The following FGF14 variants were observed in gnomAD, a reference collection of about 807,000 sequenced individuals.
FGF14 encodes the protein fibroblast growth factor homologous factor 4.
A neutral mutation model predicts 25.5 loss-of-function variants in FGF14; 5 were observed. The ratio of observed to expected loss-of-function variants is 0.20; its 90% CI spans 0.10 to 0.41. FGF14 has a LOEUF of 0.41. Among genes scored for constraint, FGF14 ranks in the 10% least tolerant of loss-of-function variants. The pLI is 1.00. For missense variants in FGF14, 222 were observed against 320.1 expected (o/e 0.69, Z 2.34); for synonymous variants, 138 against 118.3 (o/e 1.17, Z -1.08).
At position 101,953,558 on chromosome 13, in the gene FGF14, A is replaced by ATGTGTGTGTG. The variant is rs369170619; in HGVS notation, c.209-78272_209-78263dup. ...TACCTTTCTGTATGTGTATATATATATGTGTGTGTGTGTATATATATATAT... is the reference window on the plus strand; with the variant it reads ...TACCTTTCTGTATGTGTATATATATATGTGTGTGTGTGTGTGTGTGTGTATATATATATAT... On this transcript the variant is annotated intron_variant, in intron 1 of 4. Transcript: ENST00000376131. 8.2e-3 allele frequency among the ~76,000 whole-genome samples: 1,222 copies of ATGTGTGTGTG among 148,346 alleles called. 13 individuals are homozygous for ATGTGTGTGTG. The highest frequency in any genetic ancestry group is 0.025 in the Middle Eastern group (7 of 278).
At chr13:101,806,566 A>G (rs2041218167) in intron 3 of FGF14, among the ~76,000 whole-genome samples, 1 of 152,096 alleles carries the variant, frequency 6.6e-6, no homozygotes, top group South Asian at 2.1e-4. Context: ...GAAATATTTG[A>G]TAAATGTAAG....
At chr13:102,307,657 T>G (rs2055469394) in intron 1 of FGF14, among the ~76,000 whole-genome samples, 1 of 152,174 alleles carries the variant, frequency 6.6e-6, no homozygotes, top group South Asian at 2.1e-4. Flanking sequence ...TATATGTACA[T>G]GTATGTTAGG....
chr13:102,179,698 G>T (rs2048591002), intron 1 of FGF14, among the ~76,000 whole-genome samples: 1 of 152,208 alleles, frequency 6.6e-6, no homozygotes, highest in South Asian at 2.1e-4. Context: ...CTGTATGTTG[G>T]TTCCAAAGAC....
chr13:102,246,423 G>T (rs1013709665), intron 1 of FGF14, among the ~76,000 whole-genome samples: 1 of 152,050 alleles, frequency 6.6e-6, no homozygotes, highest in African/African-American at 2.4e-5. Flanking sequence ...TGGTTTGAAA[G>T]TGTAATGGCA....
chr13:101,871,119 A>C (rs1024576156), intron 2 of FGF14, among the ~76,000 whole-genome samples: 1 of 152,188 alleles, frequency 6.6e-6, no homozygotes, highest in Non-Finnish European at 1.5e-5. Context: ...AGTTAAAAAC[A>C]CAGATACCCA....
At chr13:101,915,516 A>C (rs1454309652) in intron 1 of FGF14, among the ~76,000 whole-genome samples, 1 of 152,192 alleles carries the variant, frequency 6.6e-6, no homozygotes, top group Non-Finnish European at 1.5e-5. Context: ...CATGCTCGCA[A>C]AACAACCAGC....
At chr13:101,743,911 A>C (rs1158729590) in intron 3 of FGF14, among the ~76,000 whole-genome samples, 1 of 152,176 alleles carries the variant, frequency 6.6e-6, no homozygotes, top group African/African-American at 2.4e-5. Context: ...TATAGTATTT[A>C]ACCTCAAAAT....
chr13:101,820,323 G>A (rs2042049631), intron 3 of FGF14, among the ~76,000 whole-genome samples: 2 of 152,052 alleles, frequency 1.3e-5, no homozygotes, highest in Admixed American at 6.6e-5. Context: ...GAACAGATTA[G>A]TCCTATATAA....
chr13:101,822,319 A>G (rs1256835939), intron 3 of FGF14, among the ~76,000 whole-genome samples: 1 of 152,134 alleles, frequency 6.6e-6, no homozygotes, highest in Non-Finnish European at 1.5e-5. Context: ...AGGAAAATAT[A>G]CTAGTCTATT....
At chr13:101,780,887 C>A (rs1014036476) in intron 3 of FGF14, among the ~76,000 whole-genome samples, 4 of 152,226 alleles carry the variant, frequency 2.6e-5, no homozygotes, top group Middle Eastern at 6.8e-3. Flanking sequence ...CCGAAGCAGA[C>A]GGCTCCTTGC....
intron 3 of FGF14, among the ~76,000 whole-genome samples, chr13:101,855,285 T>TCA (rs2044067969): frequency 1.3e-5 from 2 of 152,056 alleles, no homozygotes; most frequent in Admixed American, 1.3e-4. Context: ...TTGCTGTTCT[T>TCA]ACTGTCACCA....
At chr13:101,813,089 G>T (rs1021444702) in intron 3 of FGF14, among the ~76,000 whole-genome samples, 1 of 152,092 alleles carries the variant, frequency 6.6e-6, no homozygotes, top group Non-Finnish European at 1.5e-5. Flanking sequence ...GAAGTTCATG[G>T]CAAAACCATT....
chr13:101,859,769 G>A (rs187743873), intron 3 of FGF14, among the ~76,000 whole-genome samples: 6 of 152,180 alleles, frequency 3.9e-5, no homozygotes, highest in African/African-American at 1.4e-4. Flanking sequence ...AGCCACTTCT[G>A]TCTCATACTG....
intron 1 of FGF14, among the ~76,000 whole-genome samples, chr13:102,356,877 T>TA (rs201002648): frequency 0.045 from 6,330 of 140,272 alleles, 198 homozygotes; most frequent in Non-Finnish European, 0.062. Context: ...ACTTATTAAG[T>TA]AAAAAAAAAA....
At chr13:101,753,802 T>TC (rs2037464292) in intron 3 of FGF14, among the ~76,000 whole-genome samples, 1 of 133,412 alleles carries the variant, frequency 7.5e-6, no homozygotes, top group African/African-American at 2.9e-5. Flanking sequence ...AAACTCCGTC[T>TC]CAAAAAAAAA....
chr13:101,909,969 A>G (rs2032722421), intron 1 of FGF14, among the ~76,000 whole-genome samples: 1 of 152,134 alleles, frequency 6.6e-6, no homozygotes, highest in African/African-American at 2.4e-5. Flanking sequence ...GGAAACCATC[A>G]TTCTCAGCAA....
In FGF14 at chr13:102,096,754, G is replaced by A. The variant is rs1490821484; in HGVS notation, c.209-221458C>T. Among the ~76,000 whole-genome samples the A allele has an allele frequency of 4.7e-5, 7 of 149,900 alleles. No individual in the cohort carries two copies. In the East Asian group the frequency reaches 9.8e-4, roughly 21 times the overall value. The stretch of plus-strand genomic sequence containing the variant: ...ATGCCTGGGATATCCCTTCTGAGAG[G>A]AGAGTAGGCACAAAATACAACTAAC... On this transcript the variant is annotated intron_variant, in intron 1 of 4. Coordinates refer to the FGF14 transcript ENST00000376131.
At position 101,722,829 on chromosome 13, in the gene FGF14, G is replaced by A; in HGVS notation, c.*2C>T. On this transcript the variant is annotated 3_prime_UTR_variant, in exon 5 of 5. Coordinates refer to ENST00000376143, the MANE Select transcript of FGF14 (RefSeq NM_004115.4). ...TAAGTCACAACACCTGTGAGGATCT[G>A]GCTATGTTGTCTTACTCTTGTTGAC... 2 of 1,613,142 alleles carry A rather than the reference G, an allele frequency of 1.2e-6. No homozygotes were observed. Among genetic ancestry groups the A allele is most frequent in the Non-Finnish European group, 1.7e-6 (2 of 1,179,444 alleles).
rs148212733 is a variant in FGF14 at position 102,332,865 on chromosome 13, G to T, written c.208+68606C>A. On this transcript the variant is annotated intron_variant, in intron 1 of 4. Coordinates refer to the FGF14 transcript ENST00000376131. ...GCATCAGTGAAAAGACATGATAAGT[G>T]ATACTTCTCAATAAATAGCTCAGTT... 3.3e-5 allele frequency among the ~76,000 whole-genome samples: 5 copies of T among 152,258 alleles called. No homozygotes were observed. In the South Asian group the frequency reaches 1.0e-3, roughly 32 times the overall value.
Sources: allele counts gnomAD v4.1 joint callset (sites outside exome capture counted in the v4.1 genomes callset), GRCh38; gene constraint gnomAD v4.1.1; transcripts MANE v1.5; gene names NCBI Gene and HGNC (gene_info 2026-07-23, HGNC 2026-07-21).